Variants in KAZN observed in about 807,000 individuals in gnomAD.
The protein encoded by KAZN is kazrin, periplakin interacting protein.
In KAZN, 40 loss-of-function variants were observed where a neutral mutation model predicts 87.4. The observed-to-expected ratio is 0.46, with a 90% CI of 0.36 to 0.60. The LOEUF (loss-of-function observed/expected upper bound fraction) is 0.60. Ranked by LOEUF, KAZN falls within the 20% of genes least tolerant of loss-of-function variation. The pLI, the probability that KAZN is intolerant of heterozygous loss-of-function variation, is 0.00. For missense variants in KAZN, 898 were observed against 1,073.9 expected, an observed-to-expected ratio of 0.84 and a Z score of 2.29; for synonymous variants, 466 against 458.3, an observed-to-expected ratio of 1.02 and a Z score of -0.22.
At chr1:14,986,522 T>C (rs547656333) in intron 2 of KAZN, among the ~76,000 whole-genome samples, 135 of 152,306 alleles carry the variant, frequency 8.9e-4, no homozygotes, top group African/African-American at 3.1e-3. Context: ...GGTTGGTGCT[T>C]TCCAAGCAGT....
intron 1 of KAZN, among the ~76,000 whole-genome samples, chr1:14,644,247 G>A (rs1427861983): frequency 2.0e-5 from 3 of 151,194 alleles, no homozygotes; most frequent in Non-Finnish European, 2.9e-5. Flanking sequence ...CCTGACCTGA[G>A]GTGATCCACC....
chr1:14,434,026 T>C (rs1223158694), intron 2 of KAZN, among the ~76,000 whole-genome samples: 1 of 152,224 alleles, frequency 6.6e-6, no homozygotes, highest in Non-Finnish European at 1.5e-5. Flanking sequence ...TCTTGGATTT[T>C]CAACCTCCAG....
At chr1:14,557,668 T>A (rs200156759) in intron 2 of KAZN, among the ~76,000 whole-genome samples, 1 of 125,472 alleles carries the variant, frequency 8.0e-6, no homozygotes, top group African/African-American at 3.0e-5. Flanking sequence ...GTGTGTGTGG[T>A]GTGTGAGAGA....
chr1:14,989,566 T>C (rs12730353), intron 2 of KAZN, among the ~76,000 whole-genome samples: 6,585 of 152,328 alleles, frequency 0.043, 220 homozygotes, highest in Non-Finnish European at 0.06. Context: ...TTGGAGGGGT[T>C]GAGACTGTGG....
At chr1:14,341,822 A>C (rs16853991) in intron 2 of KAZN, among the ~76,000 whole-genome samples, 5,498 of 152,226 alleles carry the variant, frequency 0.036, 216 homozygotes, top group Admixed American at 0.12. Flanking sequence ...GCCTATTCTG[A>C]AAATTATTTT....
intron 2 of KAZN, among the ~76,000 whole-genome samples, chr1:14,206,253 GT>G (rs960766603): frequency 2.0e-5 from 3 of 151,926 alleles, no homozygotes; most frequent in African/African-American, 7.3e-5. Context: ...CTGACTTTTT[GT>G]TTTTTTCTTT....
intron 2 of KAZN, among the ~76,000 whole-genome samples, chr1:14,237,308 A>G (rs571163097): frequency 1.3e-5 from 2 of 152,312 alleles, no homozygotes; most frequent in African/African-American, 4.8e-5. Context: ...GTATTTCCCC[A>G]TTAACATGAT....
chr1:14,231,423 T>G (rs1349669233), intron 2 of KAZN, among the ~76,000 whole-genome samples: 1 of 152,212 alleles, frequency 6.6e-6, no homozygotes, highest in East Asian at 1.9e-4. Context: ...GCCCAGGTTC[T>G]TAGCTATTCA....
At chr1:14,992,009 T>C (rs1667409397) in intron 2 of KAZN, among the ~76,000 whole-genome samples, 1 of 152,126 alleles carries the variant, frequency 6.6e-6, no homozygotes. Flanking sequence ...AGAATACACC[T>C]CTCTTTGCCT....
At chr1:14,410,083 G>A (rs1664183395) in intron 2 of KAZN, among the ~76,000 whole-genome samples, 2 of 152,166 alleles carry the variant, frequency 1.3e-5, no homozygotes, top group Admixed American at 1.3e-4. Context: ...AAACAGAACA[G>A]AATATTAATT....
At chr1:14,139,927 ATGTGTGTGTG>A (rs541192220) in intron 1 of KAZN, among the ~76,000 whole-genome samples, 149 of 136,694 alleles carry the variant, frequency 1.1e-3, no homozygotes, top group African/African-American at 3.1e-3. Context: ...TTTGAGGTAA[ATGTGTGTGTG>A]TGTGTGTGTG....
At position 14,615,701 on chromosome 1, in the gene KAZN, T is replaced by C. The variant is rs528747191; in HGVS notation, c.226+16478T>C. ...AGTGAGGCTTGTGGTTCCAATCGTA[T>C]GGCCAACGTGTAGGCTGTGGCTTCG... On this transcript the variant is annotated intron_variant, in intron 1 of 14. Transcript: ENST00000376030. 1.8e-3 allele frequency among the ~76,000 whole-genome samples: 268 copies of C among 151,886 alleles called. 1 individual carries two copies. The highest frequency in any genetic ancestry group is 4.8e-3 in the South Asian group (23 of 4,794).
chr1:14,688,893 A>C (rs1641117331), intron 1 of KAZN, among the ~76,000 whole-genome samples: 1 of 152,230 alleles, frequency 6.6e-6, no homozygotes, highest in African/African-American at 2.4e-5. Flanking sequence ...TAAAAATGCC[A>C]GTAAGAGTTG....
At chr1:14,707,081 C>T (rs1454334517) in intron 1 of KAZN, among the ~76,000 whole-genome samples, 1 of 152,184 alleles carries the variant, frequency 6.6e-6, no homozygotes, top group East Asian at 1.9e-4. Flanking sequence ...ATGGTTTCAA[C>T]CTGTGTGTGT....
At chr1:14,443,165 T>C (rs546936785) in intron 2 of KAZN, among the ~76,000 whole-genome samples, 10 of 152,220 alleles carry the variant, frequency 6.6e-5, no homozygotes, top group Non-Finnish European at 1.3e-4. Flanking sequence ...CCAAGTAATA[T>C]ATTAAAAGAA....
intron 1 of KAZN, among the ~76,000 whole-genome samples, chr1:13,962,056 G>A (rs566248230): frequency 2.0e-5 from 3 of 152,286 alleles, no homozygotes; most frequent in Admixed American, 6.5e-5. Context: ...GCTGGCTGGA[G>A]CGTTGGCCAT....
chr1:14,548,682 A>C (rs1337021511), intron 2 of KAZN, among the ~76,000 whole-genome samples: 1 of 152,176 alleles, frequency 6.6e-6, no homozygotes, highest in Admixed American at 6.5e-5. Flanking sequence ...CAGTTCATTC[A>C]TTCTCACTAT....
At chr1:14,993,342 G>A (rs146636456) in intron 2 of KAZN, among the ~76,000 whole-genome samples, 9,439 of 151,736 alleles carry the variant, frequency 0.062, 387 homozygotes, top group Non-Finnish European at 0.097. Context: ...GGTGGCAGGA[G>A]CCTGTAATCC....
chr1:14,669,215 G>T (rs1303139435), intron 1 of KAZN, among the ~76,000 whole-genome samples: 2 of 152,128 alleles, frequency 1.3e-5, no homozygotes, highest in Non-Finnish European at 2.9e-5. Flanking sequence ...GATGGATTTT[G>T]TTAGCATCTC....
Sources: allele counts gnomAD v4.1 joint callset (sites outside exome capture counted in the v4.1 genomes callset), GRCh38; gene constraint gnomAD v4.1.1; transcripts MANE v1.5; gene names NCBI Gene and HGNC (gene_info 2026-07-23, HGNC 2026-07-21).